The following TUFT1 variants were observed in gnomAD, a reference collection of about 807,000 sequenced individuals.
TUFT1 encodes the protein tuftelin.
In TUFT1, 43 loss-of-function variants were observed where a neutral mutation model predicts 57.8. The ratio of observed to expected loss-of-function variants is 0.74; its 90% CI spans 0.58 to 0.96. The LOEUF is 0.96. TUFT1 is among the 40% of genes least tolerant of loss of function. The pLI, the probability that TUFT1 is intolerant of heterozygous loss-of-function variation, is 0.00. For synonymous variants in TUFT1, 166 were observed against 176.7 expected (o/e 0.94, Z 0.48); for missense variants, 459 against 489.0 (o/e 0.94, Z 0.58).
chr1:151,549,031 G>C (rs6669998), intron 1 of TUFT1, among the ~76,000 whole-genome samples: 87,137 of 151,904 alleles, frequency 0.57, 25,845 homozygotes, highest in East Asian at 0.91. Context: ...GAGTGAGTCA[G>C]GGTTGGAGAT....
chr1:151,574,659 C>G (rs1666389746), intron 8 of TUFT1, among the ~76,000 whole-genome samples: 1 of 152,214 alleles, frequency 6.6e-6, no homozygotes, highest in African/African-American at 2.4e-5. Flanking sequence ...GGACTGGCAG[C>G]CATAGCTGGC....
rs758292847 is a variant in TUFT1, at chr1:151,574,378, C to T, written c.703C>T (p.Arg235Cys). 41 of 1,613,932 alleles carry T rather than the reference C, an allele frequency of 2.5e-5. No individual in the cohort carries two copies. The highest frequency in any genetic ancestry group is 3.2e-5 in the Non-Finnish European group (38 of 1,180,028). ...GGCAGAAGTCGGAGAGCTGCAGAGG[C>T]GCTTGCTAGGGATGGAGACGGTAAC... ...KEAEVGELQR[R>C]LLGMETEHQA... Residue 235 changes from arginine (R) to cysteine (C), a missense_variant, in exon 8 of 13, where the codon CGC (arginine) becomes TGC (cysteine). Physicochemically the swap from Arg to Cys is radical, Grantham distance 180. Transcript: ENST00000368849.
At chr1:151,568,628 G>C (rs549763195) in intron 6 of TUFT1, among the ~76,000 whole-genome samples, 1 of 152,290 alleles carries the variant, frequency 6.6e-6, no homozygotes, top group African/African-American at 2.4e-5. Flanking sequence ...GAAATTGACT[G>C]GATAACTCAT....
chr1:151,560,010 GGT>G (rs1665832472), intron 1 of TUFT1, among the ~76,000 whole-genome samples: 1 of 151,458 alleles, frequency 6.6e-6, no homozygotes, highest in Non-Finnish European at 1.5e-5. Context: ...TGGCCAGGCT[GGT>G]CTCGAACTCC....
intron 1 of TUFT1, among the ~76,000 whole-genome samples, chr1:151,552,217 T>C (rs1415013725): frequency 1.3e-5 from 2 of 152,254 alleles, no homozygotes; most frequent in African/African-American, 2.4e-5. Flanking sequence ...AGTTCCATTG[T>C]ATGAATATAT....
chr1:151,565,455 A>G (rs564811727), intron 5 of TUFT1, among the ~76,000 whole-genome samples: 3 of 152,358 alleles, frequency 2.0e-5, no homozygotes, highest in African/African-American at 7.2e-5. Context: ...TGGTGCAAGG[A>G]AAGTTCTTTG....
At chr1:151,574,439 G>A in intron 8 of TUFT1, 41 bp downstream of exon 8, 2 of 1,611,292 alleles carry the variant, frequency 1.2e-6, no homozygotes, top group Non-Finnish European at 1.7e-6. Context: ...GGACTCCTGG[G>A]CTGGAAGGGG....
At chr1:151,566,110 A>G (rs1666068345) in intron 5 of TUFT1, 53 bp from the exon 6 acceptor site, 4 of 1,410,682 alleles carry the variant, frequency 2.8e-6, no homozygotes. Flanking sequence ...TAATGTTTCA[A>G]AGTTGGTTGC....
chr1:151,569,261 T>C (rs1486817163), intron 6 of TUFT1, among the ~76,000 whole-genome samples: 1 of 152,194 alleles, frequency 6.6e-6, no homozygotes, highest in Non-Finnish European at 1.5e-5. Flanking sequence ...GTCCCTGTCC[T>C]GTGGGAACTC....
chr1:151,572,318 C>T (rs755890758), intron 7 of TUFT1, among the ~76,000 whole-genome samples: 21 of 151,926 alleles, frequency 1.4e-4, no homozygotes, highest in Admixed American at 7.2e-4. Context: ...GGTTCCCTTG[C>T]GGGCAGGGTT....
chr1:151,569,178 C>T lies in TUFT1; in HGVS notation c.481-479C>T, dbSNP rs541653213. Among the ~76,000 whole-genome samples the T allele has an allele frequency of 2.0e-5, 3 of 152,280 alleles. No homozygotes were observed. The East Asian group carries it at 5.8e-4, about 29-fold the overall frequency. On this transcript the variant is annotated intron_variant, in intron 6 of 12. Transcript: ENST00000368849. ...TCCATCAGTAACCCTTTATATGCTG[C>T]TGTCAGTGCCAAAAGCTGAGAATGG...
intron 1 of TUFT1, 26 bp from the exon 2 acceptor site, chr1:151,562,065 A>G (rs1558007903): frequency 6.2e-7 from 1 of 1,610,632 alleles, no homozygotes; most frequent in African/African-American, 1.3e-5. Context: ...TTGAGGGGTT[A>G]TTGTTGCTGT....
In TUFT1 at chr1:151,574,917, C is replaced by T; in HGVS notation, c.730C>T (p.Gln244Ter). 6.4e-7 allele frequency: 1 copy of T among 1,569,746 alleles called. No individual in the cohort carries two copies. The highest frequency in any genetic ancestry group is 8.6e-7 in the Non-Finnish European group (1 of 1,156,782). Residue 244 changes from glutamine to a stop codon, truncating the protein, a stop_gained, in exon 9 of 13, where the codon CAG (glutamine) becomes TAG (stop). Coordinates refer to ENST00000368849, the MANE Select transcript of TUFT1 (RefSeq NM_020127.3). LOFTEE classifies it high-confidence loss of function. ...RRLLGMETEH[Q>*]ALLAKVREGE... ...TCTTTTGTGGCCCACCCAGGAGCAT[C>T]AGGCCTTACTGGCGAAAGTGAGGGA...
In TUFT1 at chr1:151,566,801, T is replaced by C. The variant is rs1666098912; in HGVS notation, c.480+573T>C. 2.0e-5 allele frequency among the ~76,000 whole-genome samples: 3 copies of C among 152,236 alleles called. No individual in the cohort carries two copies. In the South Asian group the frequency reaches 6.2e-4, roughly 31 times the overall value. On this transcript the variant is annotated intron_variant, in intron 6 of 12. Transcript: ENST00000368849. ...CATTATTCTTTGCTTGCTTTTTTTT[T>C]CTTAACTAAAGAGTATATTATAACC...
chr1:151,578,932 A>G (rs1039400649), intron 10 of TUFT1, 106 bp downstream of exon 10: 3 of 854,812 alleles, frequency 3.5e-6, no homozygotes, highest in African/African-American at 1.7e-5. Flanking sequence ...TCCCATGTCA[A>G]ACATTTATAG....
In TUFT1 at chr1:151,562,158, C is replaced by T. The variant is rs1665917673; in HGVS notation, c.128C>T (p.Ala43Val). 1 of 1,613,860 alleles carries T rather than the reference C, an allele frequency of 6.2e-7. No homozygotes were observed. The highest frequency in any genetic ancestry group is 8.5e-7 in the Non-Finnish European group (1 of 1,179,806). The change falls in exon 2 of 13, where the codon GCC becomes GTC. Residue 43 changes from alanine (A) to valine (V), a missense_variant. Physicochemically the swap from Ala to Val is moderately conservative, Grantham distance 64. Transcript: ENST00000368849. ...ACAGGAGATGAACTTGAACACATAG[C>T]CCAGAAGGTACTGCGGAATTCTGGT... ...ELTGDELEHI[A>V]QKAGRKTYAM...
rs754728864 is a variant in TUFT1 at position 151,579,685 on chromosome 1, G to A, written c.961G>A (p.Ala321Thr). 37 of 1,613,910 alleles carry A rather than the reference G, an allele frequency of 2.3e-5. No homozygotes were observed. The highest frequency in any genetic ancestry group is 1.5e-4 in the South Asian group (14 of 91,038). Residue 321 changes from alanine (A) to threonine (T), a missense_variant, in exon 11 of 13, where the codon GCC becomes ACC. Ala to Thr is a moderately conservative substitution (Grantham distance 58). Transcript: ENST00000368849. ...NSKAVIQSKD[A>T]TIQELKEKIA... Reference sequence around the variant, plus strand: ...AAAAGCTGTGATCCAGTCAAAGGACGCCACCATCCAGGAGCTCAAGGAGAA... The same window carrying A: ...AAAAGCTGTGATCCAGTCAAAGGACACCACCATCCAGGAGCTCAAGGAGAA...
chr1:151,565,558 G>C (rs1216713683), intron 5 of TUFT1, among the ~76,000 whole-genome samples: 1 of 152,214 alleles, frequency 6.6e-6, no homozygotes, highest in African/African-American at 2.4e-5. Context: ...CTGGCTGGTG[G>C]GAGCTACTTT....
chr1:151,570,342 C>T (rs563481191), intron 7 of TUFT1, among the ~76,000 whole-genome samples: 9 of 152,242 alleles, frequency 5.9e-5, no homozygotes, highest in South Asian at 2.1e-4. Context: ...AGTGCAGTGG[C>T]GCAATCTTGG....
Sources: gnomAD v4.1 joint callset for allele counts (sites outside exome capture counted in the v4.1 genomes callset) on GRCh38, gnomAD v4.1.1 for gene constraint, MANE v1.5 for transcripts, NCBI Gene and HGNC (gene_info 2026-07-23, HGNC 2026-07-21) for gene names.